The following MMS19 variants were observed in gnomAD, a reference collection of about 807,000 sequenced individuals.
The protein encoded by MMS19 is MMS19 cytosolic iron-sulfur assembly component, also known as MMS19 nucleotide excision repair protein homolog.
MMS19 carries 77 observed loss-of-function variants against 129.8 expected under a neutral mutation model. The observed-to-expected ratio is 0.59, with a 90% CI of 0.49 to 0.72. MMS19 has a LOEUF of 0.72. MMS19 is among the 30% of genes least tolerant of loss of function. The pLI, the probability that MMS19 is intolerant of heterozygous loss-of-function variation, is 0.00. For missense variants in MMS19, 1,168 were observed against 1,266.3 expected (o/e 0.92, Z 1.18); for synonymous variants, 491 against 502.8 (o/e 0.98, Z 0.31).
rs184919176 is a variant in MMS19 at position 97,487,195 on chromosome 10, T to C, written c.113-3044A>G. 1.2e-3 allele frequency among the ~76,000 whole-genome samples: 182 copies of C among 151,916 alleles called. 3 individuals are homozygous for C. In the East Asian group the frequency reaches 0.03, roughly 25 times the overall value. On this transcript the variant is annotated intron_variant, in intron 1 of 30. Coordinates refer to ENST00000438925, the MANE Select transcript of MMS19 (RefSeq NM_022362.5). ...ATTTTTAAAATCCTATTTCAGTTAA[T>C]GGGAAAAATAAAGACTATTCAATAG...
At chr10:97,482,733 TATATACACACAC>T (rs2037048993) in intron 2 of MMS19, among the ~76,000 whole-genome samples, 1 of 114,266 alleles carries the variant, frequency 8.8e-6, no homozygotes, top group East Asian at 2.5e-4. Context: ...TGTGTGTATA[TATATACACACAC>T]ACACACACAC....
intron 16 of MMS19, 107 bp from the exon 17 acceptor site, chr10:97,466,266 G>C (rs556065318): frequency 1.1e-6 from 1 of 940,712 alleles, no homozygotes; most frequent in South Asian, 1.5e-5. Flanking sequence ...ACGCCTCCTT[G>C]CTAAAGAGCA....
chr10:97,459,147 C>T, intron 29 of MMS19, 76 bp downstream of exon 29: 2 of 1,469,678 alleles, frequency 1.4e-6, no homozygotes, highest in South Asian at 1.3e-5. Flanking sequence ...GCCAAGCCCA[C>T]CTGACTAAGG....
chr10:97,468,030 G>C (rs575470388), intron 13 of MMS19, among the ~76,000 whole-genome samples: 1 of 151,812 alleles, frequency 6.6e-6, no homozygotes, highest in East Asian at 1.9e-4. Context: ...TGCCCAGGCT[G>C]ATCTTGAACT....
chr10:97,462,910 A>C lies in MMS19; in HGVS notation c.1913-228T>G, dbSNP rs1055102769. 5 of 471,496 alleles carry C rather than the reference A, an allele frequency of 1.1e-5. No homozygotes were observed. The Admixed American group carries it at 1.9e-4, about 18-fold the overall frequency. 29.2% of individuals were successfully genotyped at this position (471,496 alleles called of 1,614,324 possible). ...CCTGAGAACTCTGCACAGTCTTTAG[A>C]CTAGGCCAACAGTGGGAAAGAGGGA... On this transcript the variant is annotated intron_variant, in intron 19 of 30. Transcript: ENST00000438925.
chr10:97,498,206 G>T, intron 1 of MMS19, 67 bp downstream of exon 1: 1 of 1,422,800 alleles, frequency 7.0e-7, no homozygotes, highest in South Asian at 1.3e-5. Flanking sequence ...CCCGCCCGGC[G>T]CCTGTACTGA....
At chr10:97,461,241 C>T (rs1204733769) in intron 23 of MMS19, 1 of 606,370 alleles carries the variant, frequency 1.6e-6, no homozygotes, top group Non-Finnish European at 2.9e-6. Context: ...GAATTATCCA[C>T]ACTAGCCCCA....
chr10:97,462,746 G>T, intron 19 of MMS19, 64 bp from the exon 20 acceptor site: 1 of 1,302,898 alleles, frequency 7.7e-7, no homozygotes, highest in Non-Finnish European at 1.1e-6. Context: ...ATGAATGATT[G>T]GGTTCTGTCA....
At chr10:97,479,141 C>T (rs2036290928) in intron 3 of MMS19, among the ~76,000 whole-genome samples, 1 of 152,144 alleles carries the variant, frequency 6.6e-6, no homozygotes, top group South Asian at 2.1e-4. Context: ...TCCCTTCCTT[C>T]TTGCCCCTTC....
At chr10:97,461,675 G>A in intron 22 of MMS19, 53 bp from the exon 23 acceptor site, 1 of 1,579,408 alleles carries the variant, frequency 6.3e-7, no homozygotes, top group Non-Finnish European at 8.6e-7. Context: ...AACTCCAAGA[G>A]AACCAGTACA....
chr10:97,480,107 C>T, intron 3 of MMS19: 2 of 359,562 alleles, frequency 5.6e-6, no homozygotes, highest in South Asian at 2.1e-5. Flanking sequence ...TGGTGCCCTG[C>T]ATTTGCATAT....
chr10:97,496,027 T>C (rs1258730044), intron 1 of MMS19, among the ~76,000 whole-genome samples: 4 of 152,106 alleles, frequency 2.6e-5, no homozygotes, highest in Non-Finnish European at 5.9e-5. Flanking sequence ...GCAATCCGCC[T>C]ACCTTGTTCT....
At chr10:97,487,318 CTTTTTTTTT>C (rs201462938) in intron 1 of MMS19, among the ~76,000 whole-genome samples, 1 of 137,688 alleles carries the variant, frequency 7.3e-6, no homozygotes, top group Non-Finnish European at 1.6e-5. Flanking sequence ...GAGAAAATTT[CTTTTTTTTT>C]TTTTTTTTTG....
chr10:97,492,054 C>T (rs2038984296), intron 1 of MMS19, among the ~76,000 whole-genome samples: 1 of 150,420 alleles, frequency 6.6e-6, no homozygotes. Flanking sequence ...AGGAGAATCA[C>T]CTGAACCTGG....
At chr10:97,492,623 T>C (rs1041567799) in intron 1 of MMS19, among the ~76,000 whole-genome samples, 14 of 150,216 alleles carry the variant, frequency 9.3e-5, no homozygotes, top group Admixed American at 8.6e-4. Flanking sequence ...CCGAGGCAGG[T>C]GGATTACTTG....
At chr10:97,471,219 G>C (rs2034619333) in intron 8 of MMS19, among the ~76,000 whole-genome samples, 1 of 151,884 alleles carries the variant, frequency 6.6e-6, no homozygotes, top group Non-Finnish European at 1.5e-5. Context: ...TGTACATGTG[G>C]TTTTTAATTT....
intron 3 of MMS19, chr10:97,480,273 C>A: frequency 2.2e-6 from 1 of 463,596 alleles, no homozygotes. Context: ...GGAGTTCCCT[C>A]TCTTGGCTTT....
rs543744832 is a variant in MMS19, at chr10:97,487,770, C to T, written c.113-3619G>A. On this transcript the variant is annotated intron_variant, in intron 1 of 30. Coordinates refer to ENST00000438925, the MANE Select transcript of MMS19 (RefSeq NM_022362.5). ...GTCTTATAACAAAAGGCCAGTTTCC[C>T]GATATATAAAGAGTTCCCACAAATC... is the stretch of plus-strand genomic sequence containing the variant. 1.2e-4 allele frequency among the ~76,000 whole-genome samples: 18 copies of T among 152,170 alleles called. No individual in the cohort carries two copies. The South Asian group carries it at 3.7e-3, about 32-fold the overall frequency.
chr10:97,476,407 G>A (rs957293618), intron 8 of MMS19, among the ~76,000 whole-genome samples: 7 of 152,146 alleles, frequency 4.6e-5, no homozygotes, highest in African/African-American at 1.7e-4. Context: ...TTACTTAAAT[G>A]TTTCAGCCTT....
Sources: allele counts gnomAD v4.1 joint callset (sites outside exome capture counted in the v4.1 genomes callset), GRCh38; gene constraint gnomAD v4.1.1; transcripts MANE v1.5; gene names NCBI Gene and HGNC (gene_info 2026-07-23, HGNC 2026-07-21).